NT5E: variants seen among roughly 807,000 people sequenced by gnomAD.
NT5E encodes 5'-nucleotidase ecto, also known as 5'-nucleotidase.
In NT5E, 53 loss-of-function variants were observed where a neutral mutation model predicts 55.1. The ratio of observed to expected loss-of-function variants is 0.96; its 90% CI spans 0.77 to 1.21. The LOEUF is 1.21. Among genes scored for constraint, NT5E ranks in the 50% most tolerant of loss-of-function variants. The pLI, the probability that NT5E is intolerant of heterozygous loss-of-function variation, is 0.00. For missense variants in NT5E, 683 were observed against 724.3 expected (o/e 0.94, Z 0.65); for synonymous variants, 270 against 278.4 (o/e 0.97, Z 0.30).
In NT5E at chr6:85,467,377, C is replaced by A; in HGVS notation, c.562+95C>A. 3 of 1,008,650 alleles carry A rather than the reference C, an allele frequency of 3.0e-6. No individual in the cohort carries two copies. The South Asian group carries it at 4.1e-5, about 14-fold the overall frequency. 62.5% of individuals were successfully genotyped at this position (1,008,650 alleles called of 1,614,324 possible). On this transcript the variant is annotated intron_variant, in intron 2 of 8. Transcript: ENST00000257770. ...TATGGACTGTAGATAAAAGTAGGAACAACTGGGTAAATAGTGCACTAGAAT... is the reference window on the plus strand; with the variant it reads ...TATGGACTGTAGATAAAAGTAGGAAAAACTGGGTAAATAGTGCACTAGAAT...
At chr6:85,476,303 T>A (rs936685018) in intron 3 of NT5E, among the ~76,000 whole-genome samples, 1 of 152,184 alleles carries the variant, frequency 6.6e-6, no homozygotes, top group Non-Finnish European at 1.5e-5. Flanking sequence ...AATGGGATAG[T>A]TCCCTTGACC....
chr6:85,488,881 C>CT (rs71679910), intron 5 of NT5E, among the ~76,000 whole-genome samples: 3,279 of 102,506 alleles, frequency 0.032, 55 homozygotes, highest in East Asian at 0.04. Flanking sequence ...TATGCCTGGC[C>CT]TTTTTTTTTT....
intron 4 of NT5E, among the ~76,000 whole-genome samples, chr6:85,485,769 G>A (rs978235661): frequency 1.8e-4 from 27 of 152,218 alleles, no homozygotes; most frequent in African/African-American, 5.8e-4. Flanking sequence ...TGGGCAGAGC[G>A]GGGCTCAAGT....
chr6:85,451,588 A>G (rs1768859070), intron 1 of NT5E, among the ~76,000 whole-genome samples: 1 of 152,178 alleles, frequency 6.6e-6, no homozygotes, highest in South Asian at 2.1e-4. Flanking sequence ...CTGTGGAGAA[A>G]CTTGGGAGAA....
chr6:85,473,463 C>G (rs1769359089), intron 3 of NT5E, among the ~76,000 whole-genome samples: 1 of 152,084 alleles, frequency 6.6e-6, no homozygotes, highest in East Asian at 1.9e-4. Context: ...AGTGTCAGCA[C>G]CCTTGGACAC....
At chr6:85,451,620 G>A (rs1214883014) in intron 1 of NT5E, among the ~76,000 whole-genome samples, 1 of 152,194 alleles carries the variant, frequency 6.6e-6, no homozygotes, top group Non-Finnish European at 1.5e-5. Context: ...TTTGGAAGAG[G>A]AAGAACTGAG....
At chr6:85,466,081 C>G (rs767905432) in intron 1 of NT5E, among the ~76,000 whole-genome samples, 28 of 152,036 alleles carry the variant, frequency 1.8e-4, no homozygotes, top group Non-Finnish European at 3.8e-4. Flanking sequence ...ATCCAGGAGG[C>G]CAATGGAGGA....
At chr6:85,476,721 T>C (rs1582380239) in intron 3 of NT5E, among the ~76,000 whole-genome samples, 2 of 152,076 alleles carry the variant, frequency 1.3e-5, no homozygotes, top group Non-Finnish European at 2.9e-5. Flanking sequence ...GGGGATGGAG[T>C]GGGAAGGTGT....
chr6:85,467,424 G>A lies in NT5E; in HGVS notation c.562+142G>A. 4 of 724,726 alleles carry A rather than the reference G, an allele frequency of 5.5e-6. No homozygotes were observed. In the South Asian group the frequency reaches 6.4e-5, roughly 12 times the overall value. The allele number at this position is 724,726 out of a possible 1,614,324, so 44.9% of individuals were successfully genotyped here. A position where few individuals can be genotyped will look rare whatever the true frequency, so the allele number is the denominator to read the frequency against. On this transcript the variant is annotated intron_variant, in intron 2 of 8. Transcript: ENST00000257770. ...GAATAACACTGATAAAAGCAATCTGGTAAATTCTATGCTGTTGTTCCAAGG... is the reference window on the plus strand; with the variant it reads ...GAATAACACTGATAAAAGCAATCTGATAAATTCTATGCTGTTGTTCCAAGG...
At position 85,471,371 on chromosome 6, in the gene NT5E, G is replaced by T; in HGVS notation, c.697G>T (p.Val233Leu). The change falls in exon 3 of 9, where the codon GTG becomes TTG. Residue 233 changes from valine to leucine, a missense_variant. Transcript: ENST00000257770. ...AATGGATAAACTCATCGCTCAGAAA[G>T]TGAGGGGTGTGGACGTCGTGGTGGG... is the stretch of plus-strand genomic sequence containing the variant. ...FEMDKLIAQK[V>L]RGVDVVVGGH... 3.1e-6 allele frequency: 5 copies of T among 1,613,086 alleles called. No individual in the cohort carries two copies. The highest frequency in any genetic ancestry group is 4.2e-6 in the Non-Finnish European group (5 of 1,179,284).
chr6:85,452,921 G>T (rs996531209), intron 1 of NT5E, among the ~76,000 whole-genome samples: 3 of 152,278 alleles, frequency 2.0e-5, no homozygotes, highest in African/African-American at 7.2e-5. Context: ...ACTGGACCTA[G>T]TTCAAAGGAG....
chr6:85,457,690 C>T (rs1191375858), intron 1 of NT5E, among the ~76,000 whole-genome samples: 1 of 152,008 alleles, frequency 6.6e-6, no homozygotes, highest in Non-Finnish European at 1.5e-5. Flanking sequence ...AGTATGAGCC[C>T]AGTTTTGAGC....
intron 1 of NT5E, among the ~76,000 whole-genome samples, chr6:85,455,684 C>T (rs1768974502): frequency 6.6e-6 from 1 of 152,228 alleles, no homozygotes; most frequent in Non-Finnish European, 1.5e-5. Context: ...GCCAGAAGCA[C>T]AACCTCAGGC....
chr6:85,479,027 G>A (rs535285584), intron 3 of NT5E, among the ~76,000 whole-genome samples: 18 of 151,950 alleles, frequency 1.2e-4, no homozygotes, highest in African/African-American at 2.9e-4. Context: ...GTCATAAGGC[G>A]GTAGGACTAT....
At chr6:85,459,279 C>T (rs947563947) in intron 1 of NT5E, among the ~76,000 whole-genome samples, 6 of 152,182 alleles carry the variant, frequency 3.9e-5, no homozygotes, top group African/African-American at 1.4e-4. Context: ...GTCTCTTTAG[C>T]TCTTCAATTA....
intron 3 of NT5E, among the ~76,000 whole-genome samples, chr6:85,481,422 C>G (rs57187145): frequency 0.011 from 1,691 of 152,218 alleles, 37 homozygotes; most frequent in African/African-American, 0.039. Flanking sequence ...GAAAGATGTC[C>G]AGGAGTTAAC....
chr6:85,450,469 C>T lies in NT5E; in HGVS notation c.330C>T (p.Tyr110=). The T allele has an allele frequency of 2.5e-6, 4 of 1,593,900 alleles. No homozygotes were observed. Among genetic ancestry groups the T allele is most frequent in the Non-Finnish European group, 3.4e-6 (4 of 1,171,526 alleles). ...CGCACTTCATGAACGCCCTGCGCTACGATGCCATGGTAAGACCCGAGCCCG... is the reference window on the plus strand; with the variant it reads ...CGCACTTCATGAACGCCCTGCGCTATGATGCCATGGTAAGACCCGAGCCCG... ...EVAHFMNALR[Y]DAMALGNHEF... Residue 110 remains tyrosine (Y), a synonymous_variant, in exon 1 of 9, where the codon TAC becomes TAT. Transcript: ENST00000257770. This position sits in a 1 kb window ranked among gnomAD's most constrained non-coding sequence, Gnocchi z 4.0.
In NT5E at chr6:85,450,501, G is replaced by A. The variant is rs1328895120; in HGVS notation, c.339+23G>A. On this transcript the variant is annotated intron_variant, in intron 1 of 8. Coordinates refer to ENST00000257770, the MANE Select transcript of NT5E (RefSeq NM_002526.4). This position sits in a 1 kb window ranked among gnomAD's most constrained non-coding sequence, Gnocchi z 4.0. The stretch of plus-strand genomic sequence containing the variant: ...ATGGTAAGACCCGAGCCCGCGCCCG[G>A]GATAGTAGTCCCGGACTGAGAGAGG... 14 of 1,563,114 alleles carry A rather than the reference G, an allele frequency of 9.0e-6. No homozygotes were observed. The highest frequency in any genetic ancestry group is 1.3e-5 in the African/African-American group (1 of 74,250).
chr6:85,467,260 A>AGTGT lies in NT5E; in HGVS notation c.540_541insGTGT (p.Thr181ValfsTer15). 6.2e-7 allele frequency: 1 copy of AGTGT among 1,614,156 alleles called. No homozygotes were observed. Among genetic ancestry groups the AGTGT allele is most frequent in the Non-Finnish European group, 8.5e-7 (1 of 1,179,996 alleles). ...GAATCGTTGGATACACTTCCAAAGA[A>AGTGT]ACCCCTTTTCTCTCAAATCCAGGTA... On this transcript the variant is annotated frameshift_variant, in exon 2 of 9. Transcript: ENST00000257770. LOFTEE classifies it high-confidence loss of function.
Sources: gnomAD v4.1 joint callset for allele counts (sites outside exome capture counted in the v4.1 genomes callset) on GRCh38, gnomAD v4.1.1 for gene constraint, Gnocchi (gnomAD v3.1) non-coding constraint, MANE v1.5 for transcripts, NCBI Gene and HGNC (gene_info 2026-07-23, HGNC 2026-07-21) for gene names.